The following OXCT1 variants were observed in gnomAD, a reference collection of about 807,000 sequenced individuals.
OXCT1 encodes 3-oxoacid CoA-transferase 1, also known as succinyl-CoA:3-ketoacid coenzyme A transferase 1, mitochondrial.
In OXCT1, 27 loss-of-function variants were observed where a neutral mutation model predicts 69.6. The observed-to-expected ratio is 0.39, with a 90% CI of 0.29 to 0.54. The LOEUF is 0.54. Among genes scored for constraint, OXCT1 ranks in the 20% least tolerant of loss-of-function variants. OXCT1 has a pLI of 0.72. For missense variants in OXCT1, 437 were observed against 650.2 expected, an observed-to-expected ratio of 0.67 and a Z score of 3.57; for synonymous variants, 202 against 217.8, an observed-to-expected ratio of 0.93 and a Z score of 0.64.
chr5:41,792,095 G>A (rs1458391392), intron 13 of OXCT1, among the ~76,000 whole-genome samples: 1 of 152,152 alleles, frequency 6.6e-6, no homozygotes, highest in East Asian at 1.9e-4. Context: ...GAGCCACTGC[G>A]TCCGGCCCGC....
At chr5:41,795,499 T>C (rs1021933356) in intron 11 of OXCT1, among the ~76,000 whole-genome samples, 10 of 152,186 alleles carry the variant, frequency 6.6e-5, no homozygotes, top group African/African-American at 2.4e-4. Context: ...CTAATGCTAC[T>C]GTAAGTCACT....
chr5:41,753,310 G>GAC (rs56169527), intron 14 of OXCT1, among the ~76,000 whole-genome samples: 47,473 of 149,868 alleles, frequency 0.32, 8,891 homozygotes, highest in Non-Finnish European at 0.43. Flanking sequence ...CACACACATA[G>GAC]ACACACACAC....
At chr5:41,805,845 T>G (rs1490628687) in intron 8 of OXCT1, among the ~76,000 whole-genome samples, 164 bp from the exon 9 acceptor site, 1 of 152,116 alleles carries the variant, frequency 6.6e-6, no homozygotes, top group Admixed American at 6.6e-5. Flanking sequence ...TGATATTTGA[T>G]GGTAGAAATA....
At chr5:41,793,423 C>A (rs1431812990) in intron 13 of OXCT1, among the ~76,000 whole-genome samples, 1 of 152,218 alleles carries the variant, frequency 6.6e-6, no homozygotes, top group Admixed American at 6.5e-5. Flanking sequence ...CTTTCCAAAG[C>A]TAATTCTAAG....
At chr5:41,749,097 T>G (rs1417103027) in intron 15 of OXCT1, among the ~76,000 whole-genome samples, 2 of 152,132 alleles carry the variant, frequency 1.3e-5, no homozygotes, top group Non-Finnish European at 2.9e-5. Context: ...CTTGGCTTAC[T>G]GTGGGGCCTA....
chr5:41,853,386 T>G, intron 4 of OXCT1, 33 bp downstream of exon 4: 1 of 1,591,724 alleles, frequency 6.3e-7, no homozygotes, highest in East Asian at 2.2e-5. Flanking sequence ...TTAAAGTAAG[T>G]TAGTATTATA....
chr5:41,862,542 A>G, intron 2 of OXCT1, 100 bp downstream of exon 2: 1 of 703,576 alleles, frequency 1.4e-6, no homozygotes, highest in Non-Finnish European at 2.6e-6. Context: ...TGCATAATAA[A>G]ATAATTATCA....
chr5:41,766,876 A>G (rs1193256731), intron 13 of OXCT1, among the ~76,000 whole-genome samples: 1 of 152,184 alleles, frequency 6.6e-6, no homozygotes, highest in African/African-American at 2.4e-5. Context: ...GCCATAGTAG[A>G]AAGTGTGAAT....
At chr5:41,814,980 C>A (rs1561098880) in intron 7 of OXCT1, among the ~76,000 whole-genome samples, 1 of 152,064 alleles carries the variant, frequency 6.6e-6, no homozygotes, top group Admixed American at 6.6e-5. Context: ...CATTACAAAA[C>A]AAAAACAGTC....
intron 5 of OXCT1, among the ~76,000 whole-genome samples, chr5:41,846,185 G>C (rs1184961244): frequency 6.6e-6 from 1 of 151,012 alleles, no homozygotes; most frequent in Non-Finnish European, 1.5e-5. Flanking sequence ...CAATGTGCAG[G>C]TTAGTTACAT....
At chr5:41,865,422 G>A (rs1276600427) in intron 1 of OXCT1, among the ~76,000 whole-genome samples, 1 of 152,208 alleles carries the variant, frequency 6.6e-6, no homozygotes, top group Admixed American at 6.5e-5. Context: ...AAAGCATAAA[G>A]TGAAGATGTT....
intron 7 of OXCT1, among the ~76,000 whole-genome samples, chr5:41,826,580 T>C (rs1428026923): frequency 6.6e-6 from 1 of 152,098 alleles, no homozygotes; most frequent in Non-Finnish European, 1.5e-5. Flanking sequence ...CTAAAGTCAT[T>C]TGTCTAAGGT....
chr5:41,772,780 C>T (rs1381949339), intron 13 of OXCT1, among the ~76,000 whole-genome samples: 1 of 152,102 alleles, frequency 6.6e-6, no homozygotes, highest in Non-Finnish European at 1.5e-5. Context: ...GAAATAGGAA[C>T]CCAGTGCTTT....
chr5:41,868,607 C>G (rs1299084677), intron 1 of OXCT1, among the ~76,000 whole-genome samples: 2 of 151,514 alleles, frequency 1.3e-5, no homozygotes, highest in Non-Finnish European at 3.0e-5. Context: ...CCTGTAGTCC[C>G]AGCTACTTGG....
intron 7 of OXCT1, among the ~76,000 whole-genome samples, chr5:41,826,481 G>C (rs889901667): frequency 1.3e-5 from 2 of 152,028 alleles, no homozygotes; most frequent in Non-Finnish European, 1.5e-5. Flanking sequence ...TTAAGCTTTA[G>C]AAAACACACT....
intron 5 of OXCT1, among the ~76,000 whole-genome samples, chr5:41,848,773 A>C (rs961328601): frequency 1.4e-4 from 21 of 152,090 alleles, no homozygotes; most frequent in Non-Finnish European, 2.5e-4. Context: ...CACCTTATAC[A>C]AAAATCAATT....
intron 16 of OXCT1, among the ~76,000 whole-genome samples, chr5:41,734,007 G>A (rs1742767839): frequency 6.6e-6 from 1 of 152,226 alleles, no homozygotes; most frequent in Non-Finnish European, 1.5e-5. Context: ...GATACTGAGA[G>A]TATAAATTTA....
chr5:41,737,139 AG>A (rs756392875), intron 16 of OXCT1, among the ~76,000 whole-genome samples: 105 of 152,346 alleles, frequency 6.9e-4, no homozygotes, highest in Non-Finnish European at 1.2e-3. Flanking sequence ...GATGCTCAAA[AG>A]CTAGTCCTCT....
intron 7 of OXCT1, among the ~76,000 whole-genome samples, chr5:41,816,751 T>A (rs1747265553): frequency 6.6e-6 from 1 of 152,122 alleles, no homozygotes; most frequent in South Asian, 2.1e-4. Flanking sequence ...TATGAAGTAA[T>A]AAACTAATCT....
Sources: allele counts gnomAD v4.1 joint callset (sites outside exome capture counted in the v4.1 genomes callset), GRCh38; gene constraint gnomAD v4.1.1; transcripts MANE v1.5; gene names NCBI Gene and HGNC (gene_info 2026-07-23, HGNC 2026-07-21).